DDX46: variants seen among roughly 807,000 people sequenced by gnomAD.
DDX46 encodes probable ATP-dependent RNA helicase DDX46.
In DDX46, 30 loss-of-function variants were observed where a neutral mutation model predicts 134.9. That is an observed-to-expected ratio of 0.22 (90% CI 0.17 to 0.30). DDX46 has a LOEUF of 0.30. Ranked by LOEUF, DDX46 falls within the 10% of genes least tolerant of loss-of-function variation. DDX46 has a pLI of 1.00. For synonymous variants in DDX46, 415 were observed against 404.1 expected, an observed-to-expected ratio of 1.03 and a Z score of -0.32; for missense variants, 622 against 1,248.7, an observed-to-expected ratio of 0.50 and a Z score of 7.56.
chr5:134,792,428 A>G (rs1163957457), intron 13 of DDX46, among the ~76,000 whole-genome samples: 2 of 152,126 alleles, frequency 1.3e-5, no homozygotes, highest in Admixed American at 6.6e-5. Context: ...GGGCGGATAT[A>G]CTGAATATCT....
chr5:134,766,941 C>G lies in DDX46; in HGVS notation c.231C>G (p.Asp77Glu), dbSNP rs377136532. 2.3e-5 allele frequency: 37 copies of G among 1,613,610 alleles called. No individual in the cohort carries two copies. Among genetic ancestry groups the G allele is most frequent in the Non-Finnish European group, 3.1e-5 (36 of 1,179,836 alleles). The change falls in exon 3 of 23, where the codon GAC (aspartate) becomes GAG (glutamate). Residue 77 changes from aspartate (D) to glutamate (E), a missense_variant. Physicochemically the swap from Asp to Glu is conservative, Grantham distance 45. Around this residue, in one of 8 missense-constraint regions of DDX46, gnomAD observed 244 missense variants for 349.3 expected, o/e 0.70. Coordinates refer to ENST00000452510, the MANE Select transcript of DDX46 (RefSeq NM_001300860.2). ...GACGTTCCAGAAGTAGAGAGAGAGA[C>G]AGAAGCCGAGAGCGAAGAAGATCTC... Reference protein sequence around the residue: ...RLRRSRSRERDRSRERRRSRS... With the variant: ...RLRRSRSRERERSRERRRSRS...
chr5:134,820,872 T>C (rs1424365635), intron 21 of DDX46, among the ~76,000 whole-genome samples: 1 of 146,688 alleles, frequency 6.8e-6, no homozygotes, highest in African/African-American at 2.6e-5. Context: ...TTCTTTTTTT[T>C]TTTTTTTTTT....
chr5:134,776,977 C>T lies in DDX46; in HGVS notation c.614-597C>T, dbSNP rs59384695. The stretch of plus-strand genomic sequence containing the variant: ...CCTGTAATCCCAGCACTTTGGGAGG[C>T]CGAGGCGGGCGGATCACGAGGTTAG... On this transcript the variant is annotated intron_variant, in intron 5 of 22. Transcript: ENST00000452510. Among the ~76,000 whole-genome samples the T allele has an allele frequency of 8.3e-3, 1,250 of 150,986 alleles. 17 individuals carry two copies. Among genetic ancestry groups the T allele is most frequent in the African/African-American group, 0.028 (1,138 of 41,062 alleles).
chr5:134,816,316 A>G, intron 18 of DDX46, 114 bp from the exon 19 acceptor site: 1 of 957,012 alleles, frequency 1.0e-6, no homozygotes, highest in South Asian at 1.8e-5. Flanking sequence ...TGTAAATATA[A>G]CTATCTGATT....
chr5:134,800,553 T>A (rs1383423556), intron 15 of DDX46, among the ~76,000 whole-genome samples: 1 of 152,196 alleles, frequency 6.6e-6, no homozygotes, highest in Non-Finnish European at 1.5e-5. Context: ...ATAATCAGGT[T>A]GCAGAACAGT....
At chr5:134,772,425 G>C (rs1377166377) in intron 4 of DDX46, among the ~76,000 whole-genome samples, 1 of 152,032 alleles carries the variant, frequency 6.6e-6, no homozygotes, top group African/African-American at 2.4e-5. Flanking sequence ...GGGAGGCTGA[G>C]ATAGGAGAAT....
chr5:134,761,232 C>T (rs920456342), intron 1 of DDX46, among the ~76,000 whole-genome samples: 7 of 152,142 alleles, frequency 4.6e-5, no homozygotes, highest in Non-Finnish European at 1.0e-4. Context: ...CACCATGTTG[C>T]CCAGGCTGGT....
chr5:134,800,722 C>T (rs143281956), intron 15 of DDX46, among the ~76,000 whole-genome samples: 1 of 152,288 alleles, frequency 6.6e-6, no homozygotes, highest in East Asian at 1.9e-4. Context: ...GTTGCCCAGG[C>T]TGTAGTGCAA....
At chr5:134,777,519 TG>T in intron 5 of DDX46, 54 bp from the exon 6 acceptor site, 1 of 1,599,712 alleles carries the variant, frequency 6.3e-7, no homozygotes, top group Non-Finnish European at 8.5e-7. Flanking sequence ...GGTCTGATTG[TG>T]AAATACTGCA....
At chr5:134,784,644 T>G (rs961048376) in intron 10 of DDX46, 103 bp downstream of exon 10, 18 of 1,268,560 alleles carry the variant, frequency 1.4e-5, no homozygotes, top group South Asian at 1.9e-5. Context: ...TGAAGTTGTC[T>G]TTATGTACAT....
intron 15 of DDX46, among the ~76,000 whole-genome samples, chr5:134,796,511 T>C (rs551442191): frequency 1.4e-4 from 21 of 152,352 alleles, no homozygotes; most frequent in Middle Eastern, 3.4e-3. Flanking sequence ...TCTTGTGATA[T>C]TGCTATCACA....
rs576727096 is a variant in DDX46, at chr5:134,767,275, A to G, written c.350+215A>G. ...TTCTGTCAGTTTTAACATTCAATAC[A>G]TTGTATTCTTACTTAATACATAACT... On this transcript the variant is annotated intron_variant, in intron 3 of 22. Transcript: ENST00000452510. Among the ~76,000 whole-genome samples, 6 of 152,318 alleles carry G rather than the reference A, an allele frequency of 3.9e-5. No homozygotes were observed. In the East Asian group the frequency reaches 1.2e-3, roughly 29 times the overall value.
At chr5:134,817,758 T>C (rs768975116) in intron 20 of DDX46, 44 bp downstream of exon 20, 3 of 1,523,296 alleles carry the variant, frequency 2.0e-6, no homozygotes, top group Non-Finnish European at 1.8e-6. Context: ...AAGTAGCAAC[T>C]CTTCTTTGGA....
At chr5:134,771,848 G>A (rs1301184282) in intron 4 of DDX46, among the ~76,000 whole-genome samples, 1 of 152,150 alleles carries the variant, frequency 6.6e-6, no homozygotes, top group Non-Finnish European at 1.5e-5. Flanking sequence ...AAAAGAAGTT[G>A]CACATCTATA....
chr5:134,780,098 ATGTGTGTG>A (rs71583216), intron 6 of DDX46, among the ~76,000 whole-genome samples: 10,979 of 139,504 alleles, frequency 0.079, 628 homozygotes, highest in South Asian at 0.31. Context: ...AAAAAAATAT[ATGTGTGTG>A]TGTGTGTGTG....
chr5:134,816,735 C>T (rs566312923), intron 19 of DDX46, 129 bp downstream of exon 19: 3 of 929,262 alleles, frequency 3.2e-6, no homozygotes, highest in African/African-American at 1.7e-5. Context: ...TTAACATTCT[C>T]AATACAGAAT....
At chr5:134,794,543 T>A (rs562680378) in intron 13 of DDX46, among the ~76,000 whole-genome samples, 1 of 152,324 alleles carries the variant, frequency 6.6e-6, no homozygotes, top group Admixed American at 6.5e-5. Flanking sequence ...GGGTCTTTAA[T>A]AAAAATGTGT....
chr5:134,815,812 C>A (rs906345962), intron 18 of DDX46, among the ~76,000 whole-genome samples: 3 of 149,146 alleles, frequency 2.0e-5, no homozygotes, highest in Non-Finnish European at 3.0e-5. Flanking sequence ...GATGGGGAAA[C>A]AACCTGCATT....
At chr5:134,765,911 GTTAT>G (rs1175797268) in intron 2 of DDX46, among the ~76,000 whole-genome samples, 1 of 152,184 alleles carries the variant, frequency 6.6e-6, no homozygotes, top group Non-Finnish European at 1.5e-5. Context: ...AGTGAAAATG[GTTAT>G]TTAACATTTG....
Sources: gnomAD v4.1 joint callset for allele counts (sites outside exome capture counted in the v4.1 genomes callset) on GRCh38, gnomAD v4.1.1 for gene constraint, gnomAD v4.1.1 regional missense constraint, MANE v1.5 for transcripts, NCBI Gene and HGNC (gene_info 2026-07-23, HGNC 2026-07-21) for gene names.